Variants in ANTXR1 observed in about 807,000 individuals in gnomAD.
ANTXR1 encodes anthrax toxin receptor 1.
ANTXR1 carries 19 observed loss-of-function variants against 78.1 expected under a neutral mutation model. The ratio of observed to expected loss-of-function variants is 0.24; its 90% confidence interval spans 0.17 to 0.36. The LOEUF is 0.36. ANTXR1 is among the 10% of genes least tolerant of loss of function. The pLI is 1.00. For missense variants in ANTXR1, 518 were observed against 718.6 expected, an observed-to-expected ratio of 0.72 and a Z score of 3.19; for synonymous variants, 273 against 260.5, an observed-to-expected ratio of 1.05 and a Z score of -0.46.
At chr2:69,105,650 A>T (rs1182403240) in intron 10 of ANTXR1, among the ~76,000 whole-genome samples, 1 of 152,220 alleles carries the variant, frequency 6.6e-6, no homozygotes, top group Non-Finnish European at 1.5e-5. Context: ...AATAAAATAC[A>T]CTTAGATTCC....
At chr2:69,207,156 G>A (rs926603444) in intron 17 of ANTXR1, among the ~76,000 whole-genome samples, 4 of 152,106 alleles carry the variant, frequency 2.6e-5, no homozygotes, top group Admixed American at 2.6e-4. Flanking sequence ...CAAAAAAAAA[G>A]TCCAAGACTA....
chr2:69,029,790 A>G (rs1671474040), intron 1 of ANTXR1, among the ~76,000 whole-genome samples: 1 of 151,806 alleles, frequency 6.6e-6, no homozygotes, highest in African/African-American at 2.4e-5. Flanking sequence ...AATATATGTG[A>G]AAAAATATAT....
intron 10 of ANTXR1, 105 bp from the exon 11 acceptor site, chr2:69,122,912 T>G (rs1275545058): frequency 1.0e-5 from 13 of 1,280,626 alleles, no homozygotes; most frequent in South Asian, 6.0e-5. Flanking sequence ...AGATTTTTGT[T>G]TTTTTGGTAT....
At chr2:69,182,289 C>G (rs1355288155) in intron 15 of ANTXR1, among the ~76,000 whole-genome samples, 1 of 152,198 alleles carries the variant, frequency 6.6e-6, no homozygotes, top group Non-Finnish European at 1.5e-5. Flanking sequence ...CCCTAAATAT[C>G]CACCCATGTG....
intron 8 of ANTXR1, among the ~76,000 whole-genome samples, chr2:69,087,680 G>T (rs150236198): frequency 6.6e-6 from 1 of 152,062 alleles, no homozygotes; most frequent in Non-Finnish European, 1.5e-5. Context: ...GCCTTACCCT[G>T]TGTAAGTCTC....
At chr2:69,225,938 T>C (rs190340885) in intron 17 of ANTXR1, among the ~76,000 whole-genome samples, 36 of 152,298 alleles carry the variant, frequency 2.4e-4, no homozygotes, top group Middle Eastern at 6.8e-3. Flanking sequence ...CAAGGAGTAT[T>C]GCTGTTACTA....
At position 69,245,767 on chromosome 2, in the gene ANTXR1, C is replaced by A. The variant is rs1281587659; in HGVS notation, c.*282C>A. On this transcript the variant is annotated 3_prime_UTR_variant, in exon 18 of 18. Transcript: ENST00000303714. Reference sequence around the variant, plus strand: ...CAGTGAAACTGCAAGATGCTCTCAACAGGATTATGTCTCATGGAGACCAGT... The same window carrying A: ...CAGTGAAACTGCAAGATGCTCTCAAAAGGATTATGTCTCATGGAGACCAGT... 5 of 423,430 alleles carry A rather than the reference C, an allele frequency of 1.2e-5. No homozygotes were observed. The highest frequency in any genetic ancestry group is 4.8e-5 in the East Asian group (1 of 21,044). The allele number at this position is 423,430 out of a possible 1,614,324, so 26.2% of individuals were successfully genotyped here.
At chr2:69,059,776 A>G (rs1352740279) in intron 3 of ANTXR1, among the ~76,000 whole-genome samples, 3 of 152,198 alleles carry the variant, frequency 2.0e-5, no homozygotes, top group Non-Finnish European at 4.4e-5. Flanking sequence ...CAATATTTCA[A>G]TATTCACTTT....
At chr2:69,201,111 A>G (rs771515144) in intron 17 of ANTXR1, among the ~76,000 whole-genome samples, 14 of 152,182 alleles carry the variant, frequency 9.2e-5, no homozygotes, top group Non-Finnish European at 1.3e-4. Context: ...CTCGAGGAAC[A>G]GGGACAAACA....
intron 16 of ANTXR1, among the ~76,000 whole-genome samples, chr2:69,186,780 A>G (rs148147442): frequency 1.6e-3 from 248 of 152,358 alleles, no homozygotes; most frequent in Middle Eastern, 6.8e-3. Flanking sequence ...ATAAGTACCT[A>G]TATAATGTTG....
At chr2:69,038,081 A>AC (rs927073879) in intron 1 of ANTXR1, among the ~76,000 whole-genome samples, 1 of 151,324 alleles carries the variant, frequency 6.6e-6, no homozygotes, top group Non-Finnish European at 1.5e-5. Context: ...ATTAAAAACC[A>AC]CCCCCCTTCA....
chr2:69,039,977 G>T, intron 1 of ANTXR1, 67 bp from the exon 2 acceptor site: 1 of 1,318,990 alleles, frequency 7.6e-7, no homozygotes, highest in Non-Finnish European at 1.1e-6. Context: ...AGAATGTGAA[G>T]ATAAATAATA....
intron 17 of ANTXR1, among the ~76,000 whole-genome samples, chr2:69,202,680 G>C (rs1674803414): frequency 6.6e-6 from 1 of 152,124 alleles, no homozygotes; most frequent in Non-Finnish European, 1.5e-5. Flanking sequence ...TGAGTGAGAG[G>C]GCAGGAAGTG....
intron 17 of ANTXR1, among the ~76,000 whole-genome samples, chr2:69,241,519 C>T (rs1324866683): frequency 6.6e-6 from 1 of 152,130 alleles, no homozygotes; most frequent in East Asian, 1.9e-4. Flanking sequence ...AAATTGTGTG[C>T]AGTGCACTGT....
intron 14 of ANTXR1, among the ~76,000 whole-genome samples, chr2:69,177,397 G>T (rs780792655): frequency 1.1e-4 from 16 of 152,302 alleles, no homozygotes; most frequent in Non-Finnish European, 2.1e-4. Context: ...TGAGTTCACA[G>T]ACTTCATCCT....
Position 69,025,711 on chromosome 2 carries a change from A to G in ANTXR1, c.152+12060A>G, listed in dbSNP as rs115579714. 9.6e-3 allele frequency among the ~76,000 whole-genome samples: 1,458 copies of G among 152,356 alleles called. 21 individuals are homozygous for G. The highest frequency in any genetic ancestry group is 0.033 in the African/African-American group (1,372 of 41,576). On this transcript the variant is annotated intron_variant, in intron 1 of 17. Transcript: ENST00000303714. ...AATATAAGGTAAAATGAAACTTCAG[A>G]TGCTATTAGACAACACTAAGCATAA...
chr2:69,047,138 G>T (rs912509485), intron 3 of ANTXR1, among the ~76,000 whole-genome samples: 1 of 152,164 alleles, frequency 6.6e-6, no homozygotes, highest in Non-Finnish European at 1.5e-5. Flanking sequence ...CTGCAGGGCT[G>T]TCTGCAGGAC....
At chr2:69,172,693 A>G in intron 14 of ANTXR1, 1 of 419,804 alleles carries the variant, frequency 2.4e-6, no homozygotes, top group Non-Finnish European at 3.4e-6. Flanking sequence ...TAACTTTATA[A>G]TAAGCTCTCA....
intron 8 of ANTXR1, chr2:69,090,546 T>G (rs1671199138): frequency 4.8e-6 from 2 of 418,608 alleles, no homozygotes; most frequent in Non-Finnish European, 8.9e-6. Context: ...TTAAGTCCCA[T>G]TTCCGCAACC....
Sources: gnomAD v4.1 joint callset for allele counts (sites outside exome capture counted in the v4.1 genomes callset) on GRCh38, gnomAD v4.1.1 for gene constraint, MANE v1.5 for transcripts, NCBI Gene and HGNC (gene_info 2026-07-23, HGNC 2026-07-21) for gene names.